Variants in GFRAL observed in about 807,000 individuals in gnomAD.
The protein encoded by GFRAL is GDNF family receptor alpha-like.
GFRAL carries 36 observed loss-of-function variants against 45.4 expected under a neutral mutation model. The ratio of observed to expected loss-of-function variants is 0.79; its 90% CI spans 0.61 to 1.05. The LOEUF is 1.05. GFRAL is among the 50% of genes least tolerant of loss of function. The probability of loss-of-function intolerance (pLI) is 0.00; values close to 1 mark genes in which losing one functional copy is unlikely to be tolerated. For synonymous variants in GFRAL, 166 were observed against 154.1 expected (o/e 1.08, Z -0.57); for missense variants, 507 against 467.5 (o/e 1.08, Z -0.78).
chr6:55,335,675 A>G (rs138014540), intron 3 of GFRAL, among the ~76,000 whole-genome samples: 1 of 152,236 alleles, frequency 6.6e-6, no homozygotes, highest in South Asian at 2.1e-4. Flanking sequence ...TTCCACCCAC[A>G]TTTGTGGAAA....
intron 8 of GFRAL, among the ~76,000 whole-genome samples, chr6:55,400,738 G>A (rs2127368204): frequency 6.6e-6 from 1 of 152,262 alleles, no homozygotes; most frequent in East Asian, 1.9e-4. Flanking sequence ...AATAATTAGA[G>A]TCCATTGCTA....
At chr6:55,366,325 C>T (rs1768362719) in intron 6 of GFRAL, among the ~76,000 whole-genome samples, 1 of 151,794 alleles carries the variant, frequency 6.6e-6, no homozygotes, top group African/African-American at 2.4e-5. Flanking sequence ...TTTGATTCTG[C>T]TCTTTTTTTT....
At chr6:55,360,694 C>T (rs1019658407) in intron 6 of GFRAL, among the ~76,000 whole-genome samples, 26 of 151,794 alleles carry the variant, frequency 1.7e-4, no homozygotes, top group African/African-American at 6.0e-4. Flanking sequence ...TCTAATTTTC[C>T]TCTCTTATTA....
chr6:55,389,580 T>A (rs990567271), intron 6 of GFRAL, among the ~76,000 whole-genome samples: 2 of 152,050 alleles, frequency 1.3e-5, no homozygotes, highest in African/African-American at 4.8e-5. Flanking sequence ...TATCCTAAAA[T>A]TTTCTAGGAT....
At chr6:55,374,253 G>A (rs62419120) in intron 6 of GFRAL, among the ~76,000 whole-genome samples, 17,062 of 152,008 alleles carry the variant, frequency 0.11, 1,052 homozygotes, top group African/African-American at 0.16. Context: ...ATATTCCTTT[G>A]AGTATATACC....
At chr6:55,349,902 A>G (rs1410401105) in intron 3 of GFRAL, among the ~76,000 whole-genome samples, 190 bp from the exon 4 acceptor site, 1 of 152,028 alleles carries the variant, frequency 6.6e-6, no homozygotes, top group African/African-American at 2.4e-5. Context: ...ATGATATTTC[A>G]GAGGCTTGTT....
chr6:55,396,604 T>A (rs1055939805), intron 6 of GFRAL, among the ~76,000 whole-genome samples: 1 of 152,096 alleles, frequency 6.6e-6, no homozygotes, highest in Admixed American at 6.5e-5. Flanking sequence ...CTATTGATTC[T>A]TCATATTCTG....
At chr6:55,389,808 G>A (rs1176882640) in intron 6 of GFRAL, among the ~76,000 whole-genome samples, 2 of 152,102 alleles carry the variant, frequency 1.3e-5, no homozygotes, top group African/African-American at 4.8e-5. Flanking sequence ...AAATCAGCTG[G>A]AAAATCCACA....
chr6:55,338,343 A>C (rs1268422883), intron 3 of GFRAL, among the ~76,000 whole-genome samples: 1 of 152,042 alleles, frequency 6.6e-6, no homozygotes, highest in East Asian at 1.9e-4. Context: ...GCCAGCATCA[A>C]ACTTCCAAAG....
At chr6:55,371,794 T>G (rs943986901) in intron 6 of GFRAL, among the ~76,000 whole-genome samples, 6 of 152,186 alleles carry the variant, frequency 3.9e-5, no homozygotes, top group African/African-American at 1.4e-4. Flanking sequence ...GAAATAGAAC[T>G]AAAGTATTCA....
intron 3 of GFRAL, among the ~76,000 whole-genome samples, chr6:55,343,305 A>G (rs965209754): frequency 5.3e-5 from 8 of 152,212 alleles, no homozygotes; most frequent in African/African-American, 1.9e-4. Context: ...AACGTAAAAG[A>G]ACACAAATTA....
intron 6 of GFRAL, among the ~76,000 whole-genome samples, chr6:55,375,038 G>C (rs1483364415): frequency 6.6e-6 from 1 of 152,118 alleles, no homozygotes; most frequent in Non-Finnish European, 1.5e-5. Flanking sequence ...TCACAGTATA[G>C]TTTGAAGTTG....
rs373666326 is a variant in GFRAL, at chr6:55,341,437, G to A, written c.316+7493G>A. Among the ~76,000 whole-genome samples, 32 of 152,194 alleles carry A rather than the reference G, an allele frequency of 2.1e-4. No individual in the cohort carries two copies. In the East Asian group the frequency reaches 5.0e-3, roughly 24 times the overall value. On this transcript the variant is annotated intron_variant, in intron 3 of 8. Transcript: ENST00000340465. ...GGGTCTGGAGTGGACCTCCAGCAAA[G>A]TCCAACAGACCTGCAGCTGAGGGTC...
In GFRAL at chr6:55,359,086, G is replaced by A. The variant is rs1227772925; in HGVS notation, c.900G>A (p.Glu300=). The change falls in exon 6 of 9, where the codon GAG becomes GAA. Residue 300 remains glutamate, a synonymous_variant. Coordinates refer to ENST00000340465, the MANE Select transcript of GFRAL (RefSeq NM_207410.2). ...QCTCRTITQS[E]ESLCKIFQHM... ...CCTGTAGGACCATTACACAAAGTGA[G>A]GAATCTTTGTGTAAGATTTTCCAGC... 5 of 1,612,056 alleles carry A rather than the reference G, an allele frequency of 3.1e-6. No homozygotes were observed. Among genetic ancestry groups the A allele is most frequent in the African/African-American group, 1.3e-5 (1 of 74,910 alleles).
At chr6:55,400,042 T>A (rs527349053) in intron 8 of GFRAL, among the ~76,000 whole-genome samples, 1 of 152,262 alleles carries the variant, frequency 6.6e-6, no homozygotes, top group South Asian at 2.1e-4. Flanking sequence ...TGTGAGACAT[T>A]GAGATGAGAT....
intron 4 of GFRAL, 148 bp from the exon 5 acceptor site, chr6:55,351,105 C>T: frequency 1.6e-6 from 1 of 618,644 alleles, no homozygotes; most frequent in Non-Finnish European, 2.9e-6. Flanking sequence ...TAAATTCATA[C>T]TTACTCTAAA....
chr6:55,363,583 C>A, intron 6 of GFRAL, among the ~76,000 whole-genome samples: 2 of 23,836 alleles, frequency 8.4e-5, no homozygotes, highest in South Asian at 2.7e-3. Flanking sequence ...GCTATCCCTC[C>A]CCCCTCCCCC....
At chr6:55,371,009 G>C in intron 6 of GFRAL, among the ~76,000 whole-genome samples, 2 of 152,090 alleles carry the variant, frequency 1.3e-5, no homozygotes, top group South Asian at 4.1e-4. Flanking sequence ...CCTTCACTTC[G>C]CCATCCTGCA....
chr6:55,379,618 TA>T (rs1768580533), intron 6 of GFRAL, among the ~76,000 whole-genome samples: 1 of 151,772 alleles, frequency 6.6e-6, no homozygotes, highest in Non-Finnish European at 1.5e-5. Context: ...TGGTTAAATC[TA>T]GCTAATTTAC....
Sources: allele counts gnomAD v4.1 joint callset (sites outside exome capture counted in the v4.1 genomes callset), GRCh38; gene constraint gnomAD v4.1.1; transcripts MANE v1.5; gene names NCBI Gene and HGNC (gene_info 2026-07-23, HGNC 2026-07-21).